The following LAMA2 variants were observed in gnomAD, a reference collection of about 807,000 sequenced individuals.
LAMA2 encodes laminin subunit alpha 2, also known as laminin subunit alpha-2.
LAMA2 carries 269 observed loss-of-function variants against 364.8 expected under a neutral mutation model. That is an observed-to-expected ratio of 0.74 (90% CI 0.67 to 0.82). LAMA2 has a LOEUF of 0.82. Ranked by LOEUF, LAMA2 falls within the 40% of genes least tolerant of loss-of-function variation. The pLI, the probability that LAMA2 is intolerant of heterozygous loss-of-function variation, is 0.00. For synonymous variants in LAMA2, 1,379 were observed against 1,370.6 expected (o/e 1.01, Z -0.14); for missense variants, 3,807 against 3,873.2 (o/e 0.98, Z 0.45).
chr6:129,086,744 A>G (rs1169344163), intron 3 of LAMA2, among the ~76,000 whole-genome samples: 1 of 152,204 alleles, frequency 6.6e-6, no homozygotes, highest in African/African-American at 2.4e-5. Flanking sequence ...AATGGCTTAA[A>G]ACCTCACAAA....
At chr6:129,092,285 G>T (rs1224112452) in intron 3 of LAMA2, among the ~76,000 whole-genome samples, 2 of 151,994 alleles carry the variant, frequency 1.3e-5, no homozygotes, top group Non-Finnish European at 2.9e-5. Context: ...GCTGATAATT[G>T]TATTGGCTAT....
chr6:129,286,631 TA>T (rs1186552307), intron 18 of LAMA2, among the ~76,000 whole-genome samples: 4 of 90,356 alleles, frequency 4.4e-5, no homozygotes, highest in African/African-American at 2.3e-4. Context: ...ATATATATAA[TA>T]ATATATAATA....
chr6:129,182,986 A>G (rs1282508443), intron 10 of LAMA2, among the ~76,000 whole-genome samples: 3 of 151,990 alleles, frequency 2.0e-5, no homozygotes, highest in African/African-American at 7.2e-5. Flanking sequence ...TTTTTAATAC[A>G]ATGTCAACTA....
intron 3 of LAMA2, among the ~76,000 whole-genome samples, chr6:129,076,078 G>T (rs1184782417): frequency 6.6e-6 from 1 of 151,830 alleles, no homozygotes; most frequent in African/African-American, 2.4e-5. Flanking sequence ...AGAGCAAGAC[G>T]CTGTCTCAAA....
At chr6:129,490,570 C>A (rs1396660060) in intron 56 of LAMA2, 1 of 152,142 alleles carries the variant, frequency 6.6e-6, no homozygotes, top group Admixed American at 6.5e-5. Context: ...TCATTAAAAC[C>A]TTAGAAGCCC....
chr6:129,307,822 A>C (rs1482418153), intron 22 of LAMA2, among the ~76,000 whole-genome samples: 1 of 152,238 alleles, frequency 6.6e-6, no homozygotes, highest in East Asian at 1.9e-4. Context: ...ATTGAAGAGC[A>C]ATAATAAGGG....
At chr6:129,021,477 A>AT (rs1260378976) in intron 1 of LAMA2, among the ~76,000 whole-genome samples, 2 of 152,200 alleles carry the variant, frequency 1.3e-5, no homozygotes, top group Non-Finnish European at 2.9e-5. Flanking sequence ...GAAAGTGCAC[A>AT]TAATTCTGGA....
At chr6:129,150,181 A>G (rs901652502) in intron 7 of LAMA2, among the ~76,000 whole-genome samples, 3 of 152,192 alleles carry the variant, frequency 2.0e-5, no homozygotes, top group Admixed American at 2.0e-4. Context: ...CCATTGGATC[A>G]TCACTCACCA....
chr6:129,201,380 T>C (rs2115052727), intron 12 of LAMA2, among the ~76,000 whole-genome samples: 1 of 152,272 alleles, frequency 6.6e-6, no homozygotes, highest in East Asian at 1.9e-4. Flanking sequence ...GCTGCAGCTA[T>C]CTGCAAAGAG....
intron 3 of LAMA2, among the ~76,000 whole-genome samples, chr6:129,091,241 AAG>A (rs1334369367): frequency 2.0e-5 from 3 of 152,190 alleles, no homozygotes; most frequent in Non-Finnish European, 4.4e-5. Context: ...CTGTCCCTTG[AAG>A]AGTTAGGCAT....
intron 30 of LAMA2, among the ~76,000 whole-genome samples, chr6:129,344,136 A>G (rs1188104485): frequency 2.0e-5 from 3 of 152,332 alleles, no homozygotes; most frequent in African/African-American, 7.2e-5. Flanking sequence ...TAATATGATT[A>G]TGGCCACATT....
At chr6:129,291,785 C>A in intron 20 of LAMA2, 65 bp downstream of exon 20, 3 of 1,061,488 alleles carry the variant, frequency 2.8e-6, no homozygotes, top group Non-Finnish European at 2.9e-6. Context: ...CTTTTCATGA[C>A]ATGTTTTGTA....
Position 129,200,345 on chromosome 6 carries a change from T to TAC in LAMA2, c.1782+7492_1782+7493insAC, listed in dbSNP as rs1562324560. ...GTACACATATACATATACACGTATA[T>TAC]GTGTACACATATACATATACACGTG... On this transcript the variant is annotated intron_variant, in intron 12 of 64. Transcript: ENST00000421865. 5.9e-3 allele frequency among the ~76,000 whole-genome samples: 740 copies of TAC among 124,376 alleles called. 34 individuals carry two copies. Among genetic ancestry groups the TAC allele is most frequent in the African/African-American group, 7.8e-3 (284 of 36,180 alleles). 81.6% of individuals were successfully genotyped at this position (124,376 alleles called of 152,430 possible). A position where few individuals can be genotyped will look rare whatever the true frequency, so the allele number is the denominator to read the frequency against.
At chr6:129,209,771 A>C (rs994558820) in intron 12 of LAMA2, among the ~76,000 whole-genome samples, 1 of 152,080 alleles carries the variant, frequency 6.6e-6, no homozygotes, top group Non-Finnish European at 1.5e-5. Flanking sequence ...TGGGAGGCTG[A>C]GGCGGGCGGA....
At chr6:129,331,380 C>G (rs1198246568) in intron 29 of LAMA2, among the ~76,000 whole-genome samples, 1 of 152,044 alleles carries the variant, frequency 6.6e-6, no homozygotes, top group Admixed American at 6.6e-5. Context: ...AACCTCTCCT[C>G]TCACCCCCTC....
chr6:129,136,685 A>G (rs1777815279), intron 4 of LAMA2, among the ~76,000 whole-genome samples: 1 of 152,212 alleles, frequency 6.6e-6, no homozygotes, highest in Non-Finnish European at 1.5e-5. Flanking sequence ...GCTGAAATTT[A>G]TTAAAGACTG....
chr6:129,484,346 C>T (rs1784495036), intron 55 of LAMA2, among the ~76,000 whole-genome samples: 1 of 152,184 alleles, frequency 6.6e-6, no homozygotes, highest in Non-Finnish European at 1.5e-5. Flanking sequence ...TCTAAAGTCA[C>T]TTTGGAAAAC....
chr6:128,890,635 G>A (rs1444095403), intron 1 of LAMA2, among the ~76,000 whole-genome samples: 1 of 151,698 alleles, frequency 6.6e-6, no homozygotes, highest in Non-Finnish European at 1.5e-5. Flanking sequence ...TAATTCAAAT[G>A]CATTCATCAA....
At chr6:129,386,745 C>T (rs1363825444) in intron 35 of LAMA2, among the ~76,000 whole-genome samples, 2 of 152,124 alleles carry the variant, frequency 1.3e-5, no homozygotes, top group Non-Finnish European at 2.9e-5. Context: ...CCATATTTTT[C>T]TCCAAAACCC....
Sources: allele counts gnomAD v4.1 joint callset (sites outside exome capture counted in the v4.1 genomes callset), GRCh38; gene constraint gnomAD v4.1.1; transcripts MANE v1.5; gene names NCBI Gene and HGNC (gene_info 2026-07-23, HGNC 2026-07-21).